AP2B1: variants seen among roughly 807,000 people sequenced by gnomAD.
The protein encoded by AP2B1 is AP-2 complex subunit beta.
A neutral mutation model predicts 102.0 loss-of-function variants in AP2B1; 23 were observed. The observed-to-expected ratio is 0.23, with a 90% CI of 0.16 to 0.32. The LOEUF (loss-of-function observed/expected upper bound fraction) is 0.32. AP2B1 is among the 10% of genes least tolerant of loss of function. AP2B1 has a pLI of 1.00. For synonymous variants in AP2B1, 381 were observed against 421.2 expected, an observed-to-expected ratio of 0.90 and a Z score of 1.17; for missense variants, 541 against 1,157.4, an observed-to-expected ratio of 0.47 and a Z score of 7.73.
At chr17:35,657,876 C>A (rs2075268636) in intron 14 of AP2B1, 85 bp downstream of exon 14, 1 of 1,269,808 alleles carries the variant, frequency 7.9e-7, no homozygotes, top group Non-Finnish European at 1.1e-6. Flanking sequence ...CTTTTTAGAA[C>A]TAGACCTTTC....
intron 5 of AP2B1, among the ~76,000 whole-genome samples, chr17:35,616,542 A>G (rs755439890): frequency 6.6e-6 from 1 of 152,212 alleles, no homozygotes; most frequent in Non-Finnish European, 1.5e-5. Flanking sequence ...AAGTTTTCAT[A>G]TACGCTTCAG....
At chr17:35,718,702 T>TG (rs1224371268) in intron 21 of AP2B1, among the ~76,000 whole-genome samples, 1 of 151,776 alleles carries the variant, frequency 6.6e-6, no homozygotes, top group African/African-American at 2.4e-5. Flanking sequence ...AAAAAAGGGT[T>TG]GGGGGGAGAA....
At chr17:35,596,076 C>T (rs905161553) in intron 2 of AP2B1, among the ~76,000 whole-genome samples, 1 of 152,092 alleles carries the variant, frequency 6.6e-6, no homozygotes, top group African/African-American at 2.4e-5. Flanking sequence ...AGATTGTGTT[C>T]CCTGTACTTC....
chr17:35,689,407 TGACCTTGG>T (rs2075998277), intron 18 of AP2B1, among the ~76,000 whole-genome samples: 1 of 152,190 alleles, frequency 6.6e-6, no homozygotes, highest in African/African-American at 2.4e-5. Flanking sequence ...CTCGGATTCC[TGACCTTGG>T]GTGATCCGCC....
intron 13 of AP2B1, among the ~76,000 whole-genome samples, chr17:35,652,527 GGTGAGGTA>G (rs2075113231): frequency 6.6e-6 from 1 of 152,002 alleles, no homozygotes; most frequent in Admixed American, 6.6e-5. Context: ...GCTCTATGGG[GGTGAGGTA>G]GTAAATAGTT....
At chr17:35,634,140 C>CT (rs2074540426) in intron 9 of AP2B1, among the ~76,000 whole-genome samples, 1 of 152,068 alleles carries the variant, frequency 6.6e-6, no homozygotes, top group Admixed American at 6.6e-5. Flanking sequence ...GAGTAAGACT[C>CT]TGTCTCAGGT....
At chr17:35,620,515 C>G (rs1490378470) in intron 5 of AP2B1, among the ~76,000 whole-genome samples, 1 of 152,098 alleles carries the variant, frequency 6.6e-6, no homozygotes, top group Non-Finnish European at 1.5e-5. Context: ...GAAACTTTCT[C>G]TAGAAACCCC....
intron 5 of AP2B1, among the ~76,000 whole-genome samples, chr17:35,621,990 T>C (rs1598073245): frequency 6.6e-6 from 1 of 152,230 alleles, no homozygotes; most frequent in South Asian, 2.1e-4. Flanking sequence ...CCTTCTGATA[T>C]GATATTTTGA....
chr17:35,604,251 G>A (rs978149269), intron 3 of AP2B1, among the ~76,000 whole-genome samples: 12 of 151,852 alleles, frequency 7.9e-5, no homozygotes. Context: ...GGGACCACAG[G>A]CGCACACCAC....
chr17:35,661,288 C>T (rs552875372), intron 14 of AP2B1, among the ~76,000 whole-genome samples: 2 of 152,234 alleles, frequency 1.3e-5, no homozygotes, highest in South Asian at 2.1e-4. Context: ...TAAATACCAC[C>T]TCTGGGAGGC....
intron 9 of AP2B1, among the ~76,000 whole-genome samples, chr17:35,631,563 CT>C (rs937057403): frequency 4.9e-4 from 73 of 148,900 alleles, no homozygotes; most frequent in African/African-American, 1.6e-3. Flanking sequence ...TTATCCTCTA[CT>C]TTTTTTTTTC....
At chr17:35,662,120 T>C (rs2075370044) in intron 14 of AP2B1, among the ~76,000 whole-genome samples, 1 of 152,168 alleles carries the variant, frequency 6.6e-6, no homozygotes, top group African/African-American at 2.4e-5. Flanking sequence ...TGCTGTGATA[T>C]AAAGAAAGTA....
At chr17:35,643,016 C>A (rs954230377) in intron 12 of AP2B1, among the ~76,000 whole-genome samples, 4 of 150,896 alleles carry the variant, frequency 2.7e-5, no homozygotes, top group African/African-American at 9.7e-5. Flanking sequence ...TCCTCCCACA[C>A]CCCCCACAGC....
At chr17:35,716,762 C>T (rs1555590110) in intron 20 of AP2B1, among the ~76,000 whole-genome samples, 1 of 152,146 alleles carries the variant, frequency 6.6e-6, no homozygotes, top group African/African-American at 2.4e-5. Context: ...ATGTGGTCAT[C>T]AGTCTGTGTG....
chr17:35,673,550 A>C (rs1274651752), intron 16 of AP2B1, among the ~76,000 whole-genome samples: 1 of 152,168 alleles, frequency 6.6e-6, no homozygotes. Context: ...TTCCAGGACC[A>C]AGGGGCGTGT....
chr17:35,688,563 C>T (rs587744645), intron 18 of AP2B1, among the ~76,000 whole-genome samples: 2 of 152,320 alleles, frequency 1.3e-5, no homozygotes, highest in South Asian at 4.1e-4. Context: ...TTCATTTTCT[C>T]TATTTCTTAT....
intron 13 of AP2B1, among the ~76,000 whole-genome samples, chr17:35,654,943 A>G (rs527827293): frequency 8.5e-5 from 13 of 152,134 alleles, no homozygotes; most frequent in Non-Finnish European, 1.9e-4. Context: ...ACTACTGGTA[A>G]TGCTAGCGGT....
intron 3 of AP2B1, among the ~76,000 whole-genome samples, chr17:35,605,284 T>C (rs893572827): frequency 1.3e-5 from 2 of 151,590 alleles, no homozygotes; most frequent in African/African-American, 2.4e-5. Context: ...GTCTCGCTCT[T>C]GTTGCCCAGG....
At chr17:35,674,017 A>C (rs1390322858) in intron 16 of AP2B1, among the ~76,000 whole-genome samples, 159 bp from the exon 17 acceptor site, 1 of 152,226 alleles carries the variant, frequency 6.6e-6, no homozygotes, top group Non-Finnish European at 1.5e-5. Flanking sequence ...AGTCTTTTGC[A>C]CTGGCTTGAT....
Sources: gnomAD v4.1 joint callset for allele counts (sites outside exome capture counted in the v4.1 genomes callset) on GRCh38, gnomAD v4.1.1 for gene constraint, MANE v1.5 for transcripts, NCBI Gene and HGNC (gene_info 2026-07-23, HGNC 2026-07-21) for gene names.